Variants in SPIDR observed in about 807,000 individuals in gnomAD.
SPIDR encodes scaffold protein involved in DNA repair.
SPIDR carries 93 observed loss-of-function variants against 104.6 expected under a neutral mutation model. That is an observed-to-expected ratio of 0.89 (90% CI 0.75 to 1.06). The LOEUF (loss-of-function observed/expected upper bound fraction) is 1.06. Among genes scored for constraint, SPIDR ranks in the 50% least tolerant of loss-of-function variants. The probability of loss-of-function intolerance (pLI) is 0.00; values close to 1 mark genes in which losing one functional copy is unlikely to be tolerated. For synonymous variants in SPIDR, 431 were observed against 416.9 expected (o/e 1.03, Z -0.41); for missense variants, 1,154 against 1,111.2 (o/e 1.04, Z -0.55).
At chr8:47,389,866 C>G (rs1411915863) in intron 5 of SPIDR, among the ~76,000 whole-genome samples, 1 of 151,934 alleles carries the variant, frequency 6.6e-6, no homozygotes, top group Admixed American at 6.6e-5. Context: ...TTTCTTCTGT[C>G]ACTTTAAAAT....
At chr8:47,719,617 G>A (rs1392178758) in intron 16 of SPIDR, among the ~76,000 whole-genome samples, 2 of 152,160 alleles carry the variant, frequency 1.3e-5, no homozygotes, top group African/African-American at 4.8e-5. Context: ...GCTACAGCTG[G>A]CCCAGGCACT....
At chr8:47,352,953 C>G (rs1554623465) in intron 5 of SPIDR, among the ~76,000 whole-genome samples, 1 of 148,568 alleles carries the variant, frequency 6.7e-6, no homozygotes, top group Admixed American at 6.9e-5. Flanking sequence ...ACTTGGGAGG[C>G]TGAGGCAGGA....
rs56227753 is a variant in SPIDR, at chr8:47,642,415, C to CAA, written c.1545-31370_1545-31369dup. Among the ~76,000 whole-genome samples, 278 of 57,942 alleles carry CAA rather than the reference C, an allele frequency of 4.8e-3. 2 individuals are homozygous for CAA. The highest frequency in any genetic ancestry group is 0.017 in the African/African-American group (268 of 15,854). 38.0% of individuals were successfully genotyped at this position (57,942 alleles called of 152,430 possible). A position where few individuals can be genotyped will look rare whatever the true frequency, so the allele number is the denominator to read the frequency against. ...TGGGCGACAGAGCGAGACTCCGTCTCAAAAAAAAAAAAAAAAAGAAAAAGA... is the reference window on the plus strand; with the variant it reads ...TGGGCGACAGAGCGAGACTCCGTCTCAAAAAAAAAAAAAAAAAAAGAAAAAGA... On this transcript the variant is annotated intron_variant, in intron 10 of 19. Transcript: ENST00000297423.
At position 47,701,941 on chromosome 8, in the gene SPIDR, C is replaced by G. The variant is rs778938911; in HGVS notation, c.1918-15C>G. 6.2e-7 allele frequency: 1 copy of G among 1,614,120 alleles called. No individual in the cohort carries two copies. The highest frequency in any genetic ancestry group is 1.1e-5 in the South Asian group (1 of 91,078). ...CTTCGTGTAATGCTGCCAACCTTTTCTAATTCCTTTCCAGATGAATGATCT... is the reference window on the plus strand; with the variant it reads ...CTTCGTGTAATGCTGCCAACCTTTTGTAATTCCTTTCCAGATGAATGATCT... On this transcript the variant is annotated splice_polypyrimidine_tract_variant and intron_variant, in intron 13 of 19. Coordinates refer to ENST00000297423, the MANE Select transcript of SPIDR (RefSeq NM_001080394.4).
rs1036941586 is a variant in SPIDR, at chr8:47,282,898, C to T, written c.190-1130C>T. Reference sequence around the variant, plus strand: ...TGAGAGGGAGTCTGTCTCTGTCGCTCGGGGTGGAGTGCAATGGTGCGATAT... The same window carrying T: ...TGAGAGGGAGTCTGTCTCTGTCGCTTGGGGTGGAGTGCAATGGTGCGATAT... On this transcript the variant is annotated intron_variant, in intron 2 of 19. Coordinates refer to ENST00000297423, the MANE Select transcript of SPIDR (RefSeq NM_001080394.4). Among the ~76,000 whole-genome samples, 14 of 151,520 alleles carry T rather than the reference C, an allele frequency of 9.2e-5. 1 individual carries two copies. The highest frequency in any genetic ancestry group is 7.9e-4 in the Admixed American group (12 of 15,208).
intron 3 of SPIDR, among the ~76,000 whole-genome samples, chr8:47,285,645 TG>T (rs2038695584): frequency 6.6e-6 from 1 of 152,234 alleles, no homozygotes; most frequent in East Asian, 1.9e-4. Context: ...CTCTTCACAT[TG>T]TCTTCTCTGT....
At chr8:47,392,754 T>A (rs2060754142) in intron 5 of SPIDR, among the ~76,000 whole-genome samples, 3 of 152,346 alleles carry the variant, frequency 2.0e-5, no homozygotes, top group African/African-American at 7.2e-5. Flanking sequence ...CATGTACCTT[T>A]TTATGCCATC....
At chr8:47,663,442 T>C (rs1206249623) in intron 10 of SPIDR, among the ~76,000 whole-genome samples, 1 of 152,236 alleles carries the variant, frequency 6.6e-6, no homozygotes, top group Non-Finnish European at 1.5e-5. Flanking sequence ...CTGCTGTATT[T>C]AGCACATGAA....
intron 5 of SPIDR, among the ~76,000 whole-genome samples, chr8:47,361,687 T>G (rs914862366): frequency 2.0e-4 from 31 of 152,054 alleles, no homozygotes; most frequent in African/African-American, 7.2e-4. Context: ...GATTCGCTGG[T>G]TTGAGAGTCA....
At chr8:47,591,982 A>C (rs2061070864) in intron 8 of SPIDR, among the ~76,000 whole-genome samples, 1 of 152,178 alleles carries the variant, frequency 6.6e-6, no homozygotes, top group South Asian at 2.1e-4. Flanking sequence ...AATCAGGACA[A>C]GACATAGATT....
chr8:47,615,671 G>T (rs2064208790), intron 10 of SPIDR, among the ~76,000 whole-genome samples: 1 of 151,786 alleles, frequency 6.6e-6, no homozygotes, highest in Non-Finnish European at 1.5e-5. Flanking sequence ...ACCATGCCCG[G>T]CTAATTCTTG....
intron 6 of SPIDR, among the ~76,000 whole-genome samples, chr8:47,405,290 ACGTG>A (rs2062579436): frequency 7.9e-6 from 1 of 125,820 alleles, no homozygotes; most frequent in Non-Finnish European, 1.6e-5. Flanking sequence ...CCAACATGGC[ACGTG>A]TGTGTGTGTG....
At chr8:47,379,825 T>C (rs1587944112) in intron 5 of SPIDR, among the ~76,000 whole-genome samples, 1 of 152,298 alleles carries the variant, frequency 6.6e-6, no homozygotes, top group Non-Finnish European at 1.5e-5. Context: ...CTTGTGGAGC[T>C]TCTGGGTGAG....
rs781961039 is a variant in SPIDR at position 47,281,175 on chromosome 8, T to TA, written c.189+1166dup. 5.1e-4 allele frequency among the ~76,000 whole-genome samples: 77 copies of TA among 152,118 alleles called. 1 individual carries two copies. In the South Asian group the frequency reaches 0.012, roughly 23 times the overall value. ...CCCTAATTTAAAAATACTTTGTTGCTAAAAAAAATGCTAACAATCATAGGA... is the reference window on the plus strand; with the variant it reads ...CCCTAATTTAAAAATACTTTGTTGCTAAAAAAAAATGCTAACAATCATAGGA... On this transcript the variant is annotated intron_variant, in intron 2 of 19. Transcript: ENST00000297423.
chr8:47,624,040 C>G lies in SPIDR; in HGVS notation c.1544+24844C>G, dbSNP rs564153783. ...ACAGAAATTATAACAAACTGTCTCT[C>G]AGACCACAGTGCAATCAAACTAGAA... On this transcript the variant is annotated intron_variant, in intron 10 of 19. Transcript: ENST00000297423. Among the ~76,000 whole-genome samples, 59 of 152,332 alleles carry G rather than the reference C, an allele frequency of 3.9e-4. 1 individual carries two copies. In the South Asian group the frequency reaches 0.012, roughly 30 times the overall value.
intron 8 of SPIDR, among the ~76,000 whole-genome samples, chr8:47,523,558 A>G (rs1013528806): frequency 6.6e-6 from 1 of 152,184 alleles, no homozygotes; most frequent in Non-Finnish European, 1.5e-5. Context: ...AACCACCTCA[A>G]GTCCAGCCAG....
chr8:47,304,341 G>A (rs1297639364), intron 5 of SPIDR, among the ~76,000 whole-genome samples: 1 of 152,028 alleles, frequency 6.6e-6, no homozygotes, highest in African/African-American at 2.4e-5. Flanking sequence ...CCTCACAATA[G>A]TGAGTGAGTT....
At chr8:47,491,225 C>T (rs2078655672) in intron 8 of SPIDR, among the ~76,000 whole-genome samples, 1 of 150,916 alleles carries the variant, frequency 6.6e-6, no homozygotes, top group African/African-American at 2.4e-5. Context: ...CTAAATTTTA[C>T]CTAAATTGAA....
At chr8:47,594,088 G>A (rs191083769) in intron 8 of SPIDR, among the ~76,000 whole-genome samples, 13 of 151,208 alleles carry the variant, frequency 8.6e-5, no homozygotes, top group African/African-American at 2.7e-4. Context: ...CTCCAGGCAC[G>A]GTGGCTCACG....
Sources: allele counts gnomAD v4.1 joint callset (sites outside exome capture counted in the v4.1 genomes callset), GRCh38; gene constraint gnomAD v4.1.1; transcripts MANE v1.5; gene names NCBI Gene and HGNC (gene_info 2026-07-23, HGNC 2026-07-21).